The following ZFYVE9 variants were observed in gnomAD, a reference collection of about 807,000 sequenced individuals.
The protein encoded by ZFYVE9 is zinc finger FYVE-type containing 9.
A neutral mutation model predicts 126.7 loss-of-function variants in ZFYVE9; 43 were observed. That is an observed-to-expected ratio of 0.34 (90% CI 0.27 to 0.44). ZFYVE9 has a LOEUF of 0.44. Among genes scored for constraint, ZFYVE9 ranks in the 20% least tolerant of loss-of-function variants. The probability of loss-of-function intolerance (pLI) is 1.00; values close to 1 mark genes in which losing one functional copy is unlikely to be tolerated. For synonymous variants in ZFYVE9, 521 were observed against 597.4 expected (o/e 0.87, Z 1.87); for missense variants, 1,476 against 1,697.0 (o/e 0.87, Z 2.29).
At chr1:52,158,387 G>T (rs930463104) in intron 1 of ZFYVE9, among the ~76,000 whole-genome samples, 2 of 152,242 alleles carry the variant, frequency 1.3e-5, no homozygotes, top group African/African-American at 4.8e-5. Context: ...GACAGATCCT[G>T]AGGGAGCCCC....
At chr1:52,259,484 A>G (rs1645556567) in intron 4 of ZFYVE9, among the ~76,000 whole-genome samples, 1 of 152,018 alleles carries the variant, frequency 6.6e-6, no homozygotes, top group Non-Finnish European at 1.5e-5. Flanking sequence ...AAAATTATAT[A>G]AAGTAAAAGG....
At chr1:52,167,551 A>G (rs1435897271) in intron 1 of ZFYVE9, among the ~76,000 whole-genome samples, 4 of 151,984 alleles carry the variant, frequency 2.6e-5, no homozygotes, top group Non-Finnish European at 4.4e-5. Flanking sequence ...CTACCCTTTT[A>G]CCCTGATATA....
chr1:52,316,497 A>C (rs1206924393), intron 13 of ZFYVE9, among the ~76,000 whole-genome samples: 3 of 152,082 alleles, frequency 2.0e-5, no homozygotes, highest in Admixed American at 2.0e-4. Context: ...AAAAAAAAAA[A>C]AACTAAATGG....
At chr1:52,171,298 T>C (rs959301347) in intron 1 of ZFYVE9, among the ~76,000 whole-genome samples, 2 of 152,184 alleles carry the variant, frequency 1.3e-5, no homozygotes, top group African/African-American at 4.8e-5. Context: ...TGATTTCCAA[T>C]TTCATCCATG....
At chr1:52,253,962 G>A (rs1645477815) in intron 4 of ZFYVE9, 7 of 832,032 alleles carry the variant, frequency 8.4e-6, no homozygotes, top group Admixed American at 6.9e-5. Flanking sequence ...TTGAATTGGT[G>A]GAACCAAGTG....
rs1307193400 is a variant in ZFYVE9 at position 52,306,886 on chromosome 1, C to G, written c.3438+2961C>G. Among the ~76,000 whole-genome samples, 3 of 152,326 alleles carry G rather than the reference C, an allele frequency of 2.0e-5. No individual in the cohort carries two copies. The East Asian group carries it at 5.8e-4, about 29-fold the overall frequency. On this transcript the variant is annotated intron_variant, in intron 13 of 18. Transcript: ENST00000287727. ...CTGACTGTGTGCAGTGGCCGGAACC[C>G]ACGCTTGCTTTCTCACACACCCCTT...
intron 1 of ZFYVE9, among the ~76,000 whole-genome samples, chr1:52,155,024 T>C (rs1164722833): frequency 6.6e-6 from 1 of 152,168 alleles, no homozygotes; most frequent in East Asian, 1.9e-4. Flanking sequence ...GCAGTCTTCT[T>C]GTGCCTTTTG....
chr1:52,228,571 T>C (rs577763321), intron 2 of ZFYVE9, among the ~76,000 whole-genome samples: 3 of 152,304 alleles, frequency 2.0e-5, no homozygotes, highest in East Asian at 1.9e-4. Flanking sequence ...CCCACACATA[T>C]ACTCTCACAT....
chr1:52,314,560 G>T (rs1411707089), intron 13 of ZFYVE9, among the ~76,000 whole-genome samples: 1 of 152,188 alleles, frequency 6.6e-6, no homozygotes, highest in African/African-American at 2.4e-5. Flanking sequence ...GCTCACGCCT[G>T]TAATCCCAGT....
Position 52,291,854 on chromosome 1 carries a change from C to T in ZFYVE9, c.3026-1599C>T, listed in dbSNP as rs376491090. ...GATCACACCACAGCACTCCAGGGTT[C>T]CAGGGTGGGTAACAGAGCGAGACTC... On this transcript the variant is annotated intron_variant, in intron 10 of 18. Coordinates refer to ENST00000287727, the MANE Select transcript of ZFYVE9 (RefSeq NM_004799.4). Among the ~76,000 whole-genome samples, 21 of 139,254 alleles carry T rather than the reference C, an allele frequency of 1.5e-4. No homozygotes were observed. In the South Asian group the frequency reaches 2.7e-3, roughly 18 times the overall value. The allele number at this position is 139,254 out of a possible 152,430, so 91.4% of individuals were successfully genotyped here.
intron 13 of ZFYVE9, among the ~76,000 whole-genome samples, chr1:52,323,593 C>T (rs1024538618): frequency 1.3e-5 from 2 of 151,564 alleles, no homozygotes; most frequent in South Asian, 2.1e-4. Flanking sequence ...GGGCACATAG[C>T]GTGAGACCTC....
In ZFYVE9 at chr1:52,344,838, A is replaced by G; in HGVS notation, c.4010A>G (p.Glu1337Gly). The stretch of plus-strand genomic sequence containing the variant: ...CCTGCAGATCACAGTAGATTGACTG[A>G]GCATGTTGCCAAAGCTTTTTGCCTT... Reference protein sequence around the residue: ...SDPADHSRLTEHVAKAFCLAL... With the variant: ...SDPADHSRLTGHVAKAFCLAL... Residue 1337 changes from glutamate (E) to glycine (G), a missense_variant, in exon 18 of 19, where the codon GAG (glutamate) becomes GGG (glycine). By Grantham distance (98) the Glu-to-Gly change is moderately conservative. This residue lies in a region of ZFYVE9 where 669 missense variants were observed against 902.4 expected (regional missense o/e 0.74). Coordinates refer to ENST00000287727, the MANE Select transcript of ZFYVE9 (RefSeq NM_004799.4). The G allele has an allele frequency of 6.2e-7, 1 of 1,614,188 alleles. No homozygotes were observed. Among genetic ancestry groups the G allele is most frequent in the Non-Finnish European group, 8.5e-7 (1 of 1,180,034 alleles).
chr1:52,220,832 G>A (rs1645117868), intron 2 of ZFYVE9, among the ~76,000 whole-genome samples: 1 of 152,142 alleles, frequency 6.6e-6, no homozygotes, highest in African/African-American at 2.4e-5. Context: ...GAAACAAAGG[G>A]ATAGATGGAA....
chr1:52,209,833 A>AT (rs1557458786), intron 1 of ZFYVE9, among the ~76,000 whole-genome samples: 1 of 152,204 alleles, frequency 6.6e-6, no homozygotes, highest in African/African-American at 2.4e-5. Flanking sequence ...CAGCTATGTT[A>AT]TGGAAGTATG....
At chr1:52,289,965 G>A (rs759793505) in intron 10 of ZFYVE9, among the ~76,000 whole-genome samples, 1 of 152,174 alleles carries the variant, frequency 6.6e-6, no homozygotes, top group Non-Finnish European at 1.5e-5. Context: ...GGAATAATGA[G>A]TGAATACCTT....
chr1:52,163,771 T>C lies in ZFYVE9; in HGVS notation c.-143+21368T>C, dbSNP rs904241531. 1.6e-4 allele frequency among the ~76,000 whole-genome samples: 24 copies of C among 151,828 alleles called. 1 individual carries two copies. The highest frequency in any genetic ancestry group is 1.3e-4 in the Non-Finnish European group (9 of 67,982). On this transcript the variant is annotated intron_variant, in intron 1 of 18. Transcript: ENST00000287727. ...GGAGGATCACTTGAGCCCAGGAGTTTAAGACCAGCGTGGGCAACATAGTGA... is the reference window on the plus strand; with the variant it reads ...GGAGGATCACTTGAGCCCAGGAGTTCAAGACCAGCGTGGGCAACATAGTGA...
rs76228083 is a variant in ZFYVE9, at chr1:52,235,139, C to T, written c.70+1863C>T. Among the ~76,000 whole-genome samples, 600 of 152,206 alleles carry T rather than the reference C, an allele frequency of 3.9e-3. 12 individuals are homozygous for T. In the South Asian group the frequency reaches 0.044, roughly 11 times the overall value. On this transcript the variant is annotated intron_variant, in intron 3 of 18. Transcript: ENST00000287727. ...TTTAGAAGGAGAAGGATTTCTGAAA[C>T]CAGCTTCTTGGTTGTAACTTTGTGG...
intron 13 of ZFYVE9, among the ~76,000 whole-genome samples, chr1:52,317,673 G>A (rs1646198619): frequency 6.6e-6 from 1 of 152,074 alleles, no homozygotes; most frequent in African/African-American, 2.4e-5. Context: ...TTTGAGAAGA[G>A]CAATAAAATT....
At chr1:52,272,105 T>A (rs568332872) in intron 7 of ZFYVE9, among the ~76,000 whole-genome samples, 1 of 152,330 alleles carries the variant, frequency 6.6e-6, no homozygotes, top group Admixed American at 6.5e-5. Flanking sequence ...CTCAAAGTGC[T>A]GGGATTACAG....
Sources: gnomAD v4.1 joint callset for allele counts (sites outside exome capture counted in the v4.1 genomes callset) on GRCh38, gnomAD v4.1.1 for gene constraint, gnomAD v4.1.1 regional missense constraint, MANE v1.5 for transcripts, NCBI Gene and HGNC (gene_info 2026-07-23, HGNC 2026-07-21) for gene names.